The following DNAJC7 variants were observed in gnomAD, a reference collection of about 807,000 sequenced individuals.
DNAJC7 encodes dnaJ homolog subfamily C member 7.
In DNAJC7, 18 loss-of-function variants were observed where a neutral mutation model predicts 67.4. The ratio of observed to expected loss-of-function variants is 0.27; its 90% CI spans 0.18 to 0.40. The LOEUF is 0.40. Among genes scored for constraint, DNAJC7 ranks in the 10% least tolerant of loss-of-function variants. The pLI is 1.00. For missense variants in DNAJC7, 419 were observed against 613.8 expected (o/e 0.68, Z 3.35); for synonymous variants, 220 against 207.8 (o/e 1.06, Z -0.50).
At chr17:42,001,731 A>G (rs993281606) in intron 1 of DNAJC7, among the ~76,000 whole-genome samples, 4 of 152,186 alleles carry the variant, frequency 2.6e-5, no homozygotes, top group Non-Finnish European at 4.4e-5. Context: ...TTACAGCTTG[A>G]GTCTACGGAT....
At chr17:42,017,276 G>A (rs527432246) in intron 1 of DNAJC7, 64 bp downstream of exon 1, 31 of 1,606,538 alleles carry the variant, frequency 1.9e-5, no homozygotes, top group Admixed American at 1.0e-4. Context: ...ATCATGGCAG[G>A]AACGAGTTTC....
At chr17:41,985,543 T>C (rs1288471995) in intron 9 of DNAJC7, 1 of 152,212 alleles carries the variant, frequency 6.6e-6, no homozygotes, top group Non-Finnish European at 1.5e-5. Context: ...ACTATACTAA[T>C]TTGCATTTTT....
Position 41,994,951 on chromosome 17 carries a change from C to G in DNAJC7, c.406-7G>C, listed in dbSNP as rs1283224275. ...CTGCATTAGCATTCTTGAACTGCAC[C>G]GGAAAATCAGACATAGGAAAGTTTT... On this transcript the variant is annotated splice_polypyrimidine_tract_variant and splice_region_variant and intron_variant, in intron 4 of 13. Coordinates refer to ENST00000457167, the MANE Select transcript of DNAJC7 (RefSeq NM_003315.4). 1.9e-6 allele frequency: 3 copies of G among 1,611,596 alleles called. No individual in the cohort carries two copies. The highest frequency in any genetic ancestry group is 1.7e-6 in the Non-Finnish European group (2 of 1,178,586).
rs886321284 is a variant in DNAJC7, at chr17:42,017,399, C to T, written c.18G>A (p.Glu6=). The part of the protein sequence containing the change: MAAAA[E]CDVVMAATEP... ...CGGTCGCCGCCATTACCACATCGCA[C>T]TCCGCGGCAGCCGCCATCTTACCGC... The change falls in exon 1 of 14, where the codon GAG becomes GAA. Residue 6 remains glutamate (E), a synonymous_variant. Coordinates refer to ENST00000457167, the MANE Select transcript of DNAJC7 (RefSeq NM_003315.4). 3.1e-6 allele frequency: 5 copies of T among 1,608,942 alleles called. No individual in the cohort carries two copies. Among genetic ancestry groups the T allele is most frequent in the African/African-American group, 2.7e-5 (2 of 74,958 alleles).
chr17:41,980,731 C>T (rs74741466), intron 12 of DNAJC7, among the ~76,000 whole-genome samples: 3,252 of 152,282 alleles, frequency 0.021, 64 homozygotes, highest in South Asian at 0.089. Flanking sequence ...TGACAGCCCA[C>T]AGTGAGCAAC....
chr17:41,983,795 G>A (rs1269047940), intron 9 of DNAJC7, among the ~76,000 whole-genome samples, 159 bp from the exon 10 acceptor site: 1 of 152,174 alleles, frequency 6.6e-6, no homozygotes, highest in Non-Finnish European at 1.5e-5. Context: ...GAGAAAATTA[G>A]CTAACAAGTC....
intron 1 of DNAJC7, chr17:42,013,255 C>G (rs1240620891): frequency 6.6e-6 from 1 of 152,192 alleles, no homozygotes; most frequent in Non-Finnish European, 1.5e-5. Context: ...AGTTTCTTGG[C>G]TGCTGTAAGG....
chr17:41,986,525 C>T (rs2051384387), intron 9 of DNAJC7, among the ~76,000 whole-genome samples: 1 of 151,126 alleles, frequency 6.6e-6, no homozygotes, highest in African/African-American at 2.4e-5. Context: ...TGATTCTCCC[C>T]CCGCCTTTTT....
At chr17:42,012,924 G>A (rs1268354546) in intron 1 of DNAJC7, 1 of 152,094 alleles carries the variant, frequency 6.6e-6, no homozygotes, top group African/African-American at 2.4e-5. Context: ...AGCGTCCCAA[G>A]TAGCAGGGCC....
chr17:42,008,383 G>A (rs1011961444), intron 1 of DNAJC7, among the ~76,000 whole-genome samples: 1 of 150,298 alleles, frequency 6.7e-6, no homozygotes, highest in East Asian at 2.0e-4. Flanking sequence ...ATAAGTGGAA[G>A]TCACAGGTAT....
chr17:42,017,158 G>A lies in DNAJC7; in HGVS notation c.77+182C>T, dbSNP rs1439453814. The A allele has an allele frequency of 1.5e-5, 23 of 1,499,020 alleles. 1 individual carries two copies. The highest frequency in any genetic ancestry group is 3.7e-4 in the Middle Eastern group (2 of 5,346). The allele number at this position is 1,499,020 out of a possible 1,614,324, so 92.9% of individuals were successfully genotyped here. A position where few individuals can be genotyped will look rare whatever the true frequency, so the allele number is the denominator to read the frequency against. Reference sequence around the variant, plus strand: ...TCCTACGCCAGGCGGAAGCGGGAGAGGAAGGCCGACCCCCAAGAGCGCCCC... The same window carrying A: ...TCCTACGCCAGGCGGAAGCGGGAGAAGAAGGCCGACCCCCAAGAGCGCCCC... On this transcript the variant is annotated intron_variant, in intron 1 of 13. Transcript: ENST00000457167.
rs545225461 is a variant in DNAJC7, at chr17:42,017,166, G to A, written c.77+174C>T. ...CAGGCGGAAGCGGGAGAGGAAGGCC[G>A]ACCCCCAAGAGCGCCCCTTCAGGGG... On this transcript the variant is annotated intron_variant, in intron 1 of 13. Coordinates refer to ENST00000457167, the MANE Select transcript of DNAJC7 (RefSeq NM_003315.4). 54 of 1,511,650 alleles carry A rather than the reference G, an allele frequency of 3.6e-5. No individual in the cohort carries two copies. In the African/African-American group the frequency reaches 4.8e-4, roughly 14 times the overall value. The allele number at this position is 1,511,650 out of a possible 1,614,324, so 93.6% of individuals were successfully genotyped here.
chr17:41,987,753 C>T, intron 9 of DNAJC7, 66 bp downstream of exon 9: 1 of 1,398,238 alleles, frequency 7.2e-7, no homozygotes, highest in Non-Finnish European at 9.9e-7. Context: ...GCTTCGTCAT[C>T]CACAAGGCAA....
At chr17:41,995,607 C>T (rs1000508921) in intron 4 of DNAJC7, among the ~76,000 whole-genome samples, 1 of 152,140 alleles carries the variant, frequency 6.6e-6, no homozygotes, top group Non-Finnish European at 1.5e-5. Flanking sequence ...GGTTTTAGTC[C>T]AGAAGCCACT....
chr17:42,006,584 G>A (rs2051963923), intron 1 of DNAJC7, among the ~76,000 whole-genome samples: 1 of 148,194 alleles, frequency 6.7e-6, no homozygotes, highest in Admixed American at 6.8e-5. Context: ...AGATCATGAA[G>A]TCAGGAGTTC....
In DNAJC7 at chr17:42,000,531, A is replaced by G. The variant is rs1265335466; in HGVS notation, c.117T>C (p.Tyr39=). ...ETFKEQGNAY[Y]AKKDYNEAYN... ...AAGCTTCATTGTAATCTTTCTTGGCATAGTATGCATTTCCTTGTTCCTTGA... is the reference window on the plus strand; with the variant it reads ...AAGCTTCATTGTAATCTTTCTTGGCGTAGTATGCATTTCCTTGTTCCTTGA... Residue 39 remains tyrosine (Y), a synonymous_variant, in exon 2 of 14, where the codon TAT becomes TAC. Transcript: ENST00000457167. 3.1e-6 allele frequency: 5 copies of G among 1,612,354 alleles called. No homozygotes were observed. The highest frequency in any genetic ancestry group is 1.3e-5 in the African/African-American group (1 of 74,890).
At chr17:41,987,993 T>A in intron 8 of DNAJC7, 83 bp from the exon 9 acceptor site, 1 of 1,153,844 alleles carries the variant, frequency 8.7e-7, no homozygotes. Context: ...TTCAAAACTC[T>A]AAGAGGATCA....
intron 7 of DNAJC7, 52 bp from the exon 8 acceptor site, chr17:41,988,948 C>G: frequency 6.3e-7 from 1 of 1,592,006 alleles, no homozygotes; most frequent in Non-Finnish European, 8.5e-7. Flanking sequence ...AGCCTCAGAC[C>G]ATTGCACAGA....
rs992290200 is a variant in DNAJC7, at chr17:41,989,028, A to G, written c.754-132T>C. The G allele has an allele frequency of 9.2e-5, 97 of 1,059,290 alleles. 1 individual carries two copies. The Middle Eastern group carries it at 2.1e-3, about 23-fold the overall frequency. 65.6% of individuals were successfully genotyped at this position (1,059,290 alleles called of 1,614,324 possible). A position where few individuals can be genotyped will look rare whatever the true frequency, so the allele number is the denominator to read the frequency against. On this transcript the variant is annotated intron_variant, in intron 7 of 13. Coordinates refer to ENST00000457167, the MANE Select transcript of DNAJC7 (RefSeq NM_003315.4). ...CATCACAGAGCCCCGCCAACCCCCA[A>G]TCTGGGCTATCTGTTGCTCATTTGA...
Sources: gnomAD v4.1 joint callset for allele counts (sites outside exome capture counted in the v4.1 genomes callset) on GRCh38, gnomAD v4.1.1 for gene constraint, MANE v1.5 for transcripts, NCBI Gene and HGNC (gene_info 2026-07-23, HGNC 2026-07-21) for gene names.